The following PDE1C variants were observed in gnomAD, a reference collection of about 807,000 sequenced individuals.
The protein encoded by PDE1C is phosphodiesterase 1C.
Under a neutral mutation model 93.1 loss-of-function variants are expected in PDE1C, and 62 were observed. The ratio of observed to expected loss-of-function variants is 0.67; its 90% CI spans 0.54 to 0.82. The LOEUF (loss-of-function observed/expected upper bound fraction) is 0.82. PDE1C is among the 40% of genes least tolerant of loss of function. PDE1C has a pLI of 0.00. For synonymous variants in PDE1C, 325 were observed against 310.1 expected (o/e 1.05, Z -0.50); for missense variants, 742 against 884.6 (o/e 0.84, Z 2.04).
At chr7:32,017,027 A>T (rs1264517645) in intron 2 of PDE1C, among the ~76,000 whole-genome samples, 1 of 152,150 alleles carries the variant, frequency 6.6e-6, no homozygotes, top group Non-Finnish European at 1.5e-5. Context: ...CTTCATCCTT[A>T]AGAGAAAAAT....
intron 1 of PDE1C, among the ~76,000 whole-genome samples, chr7:32,419,385 A>G (rs1479527035): frequency 6.6e-6 from 1 of 152,166 alleles, no homozygotes. Context: ...GAGAGAGAGC[A>G]AAAAAGCAGC....
intron 1 of PDE1C, among the ~76,000 whole-genome samples, chr7:32,270,688 G>T (rs2128886124): frequency 6.6e-6 from 1 of 152,318 alleles, no homozygotes; most frequent in Non-Finnish European, 1.5e-5. Flanking sequence ...TGACCCTAGA[G>T]ATCTGGGGAT....
intron 1 of PDE1C, among the ~76,000 whole-genome samples, chr7:32,409,135 T>G (rs1479486250): frequency 6.6e-6 from 1 of 152,030 alleles, no homozygotes; most frequent in Non-Finnish European, 1.5e-5. Context: ...GGTGGGCAGA[T>G]TGCTTAAGCC....
At chr7:31,843,275 T>C (rs560009414) in intron 9 of PDE1C, among the ~76,000 whole-genome samples, 1 of 152,054 alleles carries the variant, frequency 6.6e-6, no homozygotes, top group East Asian at 1.9e-4. Flanking sequence ...CCAGTTTGTC[T>C]ATCAACTGCT....
chr7:32,000,663 A>T (rs923857415), intron 2 of PDE1C, among the ~76,000 whole-genome samples: 1 of 152,032 alleles, frequency 6.6e-6, no homozygotes, highest in African/African-American at 2.4e-5. Context: ...GCCCAAGATG[A>T]GCCCTGGACA....
intron 5 of PDE1C, among the ~76,000 whole-genome samples, chr7:31,875,829 A>ATG (rs1423092702): frequency 1.6e-5 from 2 of 126,768 alleles, no homozygotes; most frequent in Admixed American, 7.7e-5. Context: ...ATATATATAT[A>ATG]TATATAATGG....
chr7:31,950,889 G>T (rs943606917), intron 2 of PDE1C, among the ~76,000 whole-genome samples: 1 of 152,130 alleles, frequency 6.6e-6, no homozygotes, highest in Non-Finnish European at 1.5e-5. Context: ...ATGTTTGTCT[G>T]CTGGGGCTGC....
At chr7:32,377,161 G>A (rs1784447776) in intron 1 of PDE1C, among the ~76,000 whole-genome samples, 1 of 152,126 alleles carries the variant, frequency 6.6e-6, no homozygotes, top group Non-Finnish European at 1.5e-5. Flanking sequence ...ACGACTCCAG[G>A]ACAGTCAATA....
At chr7:32,141,242 G>C (rs917337950) in intron 3 of PDE1C, among the ~76,000 whole-genome samples, 3 of 152,186 alleles carry the variant, frequency 2.0e-5, no homozygotes, top group African/African-American at 7.2e-5. Flanking sequence ...GAAAGCGAGA[G>C]AATAGCTCAA....
intron 7 of PDE1C, among the ~76,000 whole-genome samples, chr7:31,858,705 C>T (rs1007765281): frequency 6.6e-6 from 1 of 152,016 alleles, no homozygotes; most frequent in Non-Finnish European, 1.5e-5. Context: ...TGTTGCTAGT[C>T]ATGATTACTT....
In PDE1C at chr7:31,803,472, T is replaced by C. The variant is rs368071251; in HGVS notation, c.1891+5559A>G. On this transcript the variant is annotated intron_variant, in intron 16 of 17. Coordinates refer to ENST00000396191, the MANE Select transcript of PDE1C (RefSeq NM_001191057.4). Reference sequence around the variant, plus strand: ...ACAACGTGCAGGTTTGTTACATATGTATACCTGTGCCATGTTGGTGTGCTG... The same window carrying C: ...ACAACGTGCAGGTTTGTTACATATGCATACCTGTGCCATGTTGGTGTGCTG... Among the ~76,000 whole-genome samples the C allele has an allele frequency of 1.4e-4, 21 of 151,876 alleles. No homozygotes were observed. In the East Asian group the frequency reaches 1.7e-3, roughly 13 times the overall value.
the PDE1C span, among the ~76,000 whole-genome samples, chr7:31,650,987 A>C: frequency 6.6e-6 from 1 of 152,052 alleles, no homozygotes; most frequent in African/African-American, 2.4e-5. Context: ...TGTGAACCCA[A>C]ATATTGGGCT....
chr7:32,327,288 C>T (rs1206071614), intron 1 of PDE1C, among the ~76,000 whole-genome samples: 2 of 152,092 alleles, frequency 1.3e-5, no homozygotes. Flanking sequence ...GAAAAGTCCC[C>T]AAATCGTAAG....
intron 3 of PDE1C, among the ~76,000 whole-genome samples, chr7:32,153,354 G>A (rs567911410): frequency 1.3e-5 from 2 of 152,294 alleles, no homozygotes; most frequent in East Asian, 1.9e-4. Flanking sequence ...AACCTGTGAA[G>A]AGAAGGGAGC....
the PDE1C span, among the ~76,000 whole-genome samples, chr7:31,667,232 G>A: frequency 6.6e-6 from 1 of 152,112 alleles, no homozygotes; most frequent in South Asian, 2.1e-4. Context: ...GATTGACTAG[G>A]TTCAGGCCCA....
At chr7:31,970,390 C>G (rs1224203447) in intron 2 of PDE1C, among the ~76,000 whole-genome samples, 3 of 152,160 alleles carry the variant, frequency 2.0e-5, no homozygotes, top group Admixed American at 2.0e-4. Context: ...ACAGAAAAGT[C>G]TCGGGCGGAG....
intron 2 of PDE1C, among the ~76,000 whole-genome samples, chr7:31,965,045 G>T (rs949255975): frequency 2.0e-5 from 3 of 152,204 alleles, no homozygotes; most frequent in Non-Finnish European, 4.4e-5. Flanking sequence ...CTAAAAATCA[G>T]AGTGCCTCTC....
chr7:32,297,577 G>A (rs890759609), intron 1 of PDE1C, among the ~76,000 whole-genome samples: 5 of 152,056 alleles, frequency 3.3e-5, no homozygotes, highest in African/African-American at 4.8e-5. Context: ...AGCATGGGGC[G>A]GAAGGTAGAA....
chr7:31,712,735 G>A, the PDE1C span, among the ~76,000 whole-genome samples: 1 of 152,180 alleles, frequency 6.6e-6, no homozygotes, highest in Non-Finnish European at 1.5e-5. Context: ...CATGGCTGGG[G>A]AGGCCTCACA....
Sources: allele counts gnomAD v4.1 joint callset (sites outside exome capture counted in the v4.1 genomes callset), GRCh38; gene constraint gnomAD v4.1.1; transcripts MANE v1.5; gene names NCBI Gene and HGNC (gene_info 2026-07-23, HGNC 2026-07-21).